NPIPB5: variants seen among roughly 807,000 people sequenced by gnomAD.
NPIPB5 encodes nuclear pore complex interacting protein family member B5.
For missense variants in NPIPB5, 10 were observed against 414.7 expected (o/e 0.02, Z 8.48); for synonymous variants, 1 against 168.2 (o/e 0.01, Z 7.69).
chr16:22,517,632 C>T (rs1227222815), intron 1 of NPIPB5, among the ~76,000 whole-genome samples: 1 of 9,976 alleles, frequency 1.0e-4, no homozygotes, highest in African/African-American at 3.6e-4. Flanking sequence ...CCTCCGCCTC[C>T]CGGGTCCAAG....
intron 4 of NPIPB5, among the ~76,000 whole-genome samples, chr16:22,529,864 C>A (rs2049869961): frequency 1.4e-5 from 1 of 71,528 alleles, no homozygotes; most frequent in Non-Finnish European, 2.5e-5. Flanking sequence ...GTGATGTCCT[C>A]ACTGGCTTCT....
intron 4 of NPIPB5, among the ~76,000 whole-genome samples, chr16:22,528,692 A>ATTTTTTTTTTTTTTTTTTTTT (rs1175345253): frequency 2.0e-5 from 1 of 49,192 alleles, no homozygotes; most frequent in Non-Finnish European, 3.2e-5. Flanking sequence ...CATTTGACCA[A>ATTTTTTTTTTTTTTTTTTTTT]TTTTTTTTTT....
At chr16:22,528,721 T>TTTTTTG (rs1179934916) in intron 4 of NPIPB5, among the ~76,000 whole-genome samples, 1 of 108,680 alleles carries the variant, frequency 9.2e-6, no homozygotes, top group African/African-American at 3.3e-5. Context: ...TTTTTTTTTT[T>TTTTTTG]GAGACAGAGT....
chr16:22,529,359 A>AGTC lies in NPIPB5; in HGVS notation c.545+1391_545+1393dup, dbSNP rs1183026508. Among the ~76,000 whole-genome samples the AGTC allele has an allele frequency of 7.3e-5, 11 of 150,666 alleles. No individual in the cohort carries two copies. The East Asian group carries it at 1.6e-3, about 22-fold the overall frequency. ...GGTCCTCCATACAGGCTGCAATTGAAGTCGTCGGTGCAGGCTCAGTCCCTA... is the reference window on the plus strand; with the variant it reads ...GGTCCTCCATACAGGCTGCAATTGAAGTCGTCGTCGGTGCAGGCTCAGTCCCTA... On this transcript the variant is annotated intron_variant, in intron 4 of 6. Coordinates refer to ENST00000424340, the Ensembl canonical transcript of NPIPB5.
exon 7 of NPIPB5, chr16:22,534,586 G>C (rs536461654): frequency 1.2e-6 from 2 of 1,605,174 alleles, no homozygotes; most frequent in Non-Finnish European, 1.7e-6. Flanking sequence ...GACACCTGCC[G>C]AGCGTCTGCG....
intron 4 of NPIPB5, among the ~76,000 whole-genome samples, chr16:22,528,721 T>TTTTTTTTTG (rs1179934916): frequency 3.7e-5 from 4 of 108,670 alleles, no homozygotes; most frequent in Admixed American, 2.5e-4. Flanking sequence ...TTTTTTTTTT[T>TTTTTTTTTG]GAGACAGAGT....
intron 4 of NPIPB5, among the ~76,000 whole-genome samples, chr16:22,528,670 T>A (rs1225798940): frequency 3.2e-5 from 4 of 125,846 alleles, no homozygotes; most frequent in East Asian, 2.5e-4. Context: ...GGATTACAGG[T>A]GTGTGCCACC....
Position 22,514,899 on chromosome 16 carries a change from CAT to C in NPIPB5, c.120+981_120+982del, listed in dbSNP as rs1391075470. ...ACACACACACACACACACACACACA[CAT>C]ATTTTTTGAGACAGAGTTTCACTCT... On this transcript the variant is annotated intron_variant, in intron 1 of 6. Coordinates refer to ENST00000424340, the Ensembl canonical transcript of NPIPB5. 9.8e-4 allele frequency among the ~76,000 whole-genome samples: 36 copies of C among 36,688 alleles called. 2 individuals carry two copies. Among genetic ancestry groups the C allele is most frequent in the Non-Finnish European group, 1.4e-3 (32 of 23,348 alleles). 24.1% of individuals were successfully genotyped at this position (36,688 alleles called of 152,430 possible).
intron 1 of NPIPB5, among the ~76,000 whole-genome samples, chr16:22,517,966 A>G (rs1289837630): frequency 1.2e-4 from 16 of 132,804 alleles, no homozygotes; most frequent in Non-Finnish European, 2.1e-4. Context: ...CCTAGGCTGG[A>G]GTGCAGTGGT....
intron 4 of NPIPB5, among the ~76,000 whole-genome samples, chr16:22,528,692 A>ATTTTTTTTTTTTTT (rs1175345253): frequency 5.9e-4 from 29 of 49,202 alleles, no homozygotes; most frequent in South Asian, 1.0e-3. Context: ...CATTTGACCA[A>ATTTTTTTTTTTTTT]TTTTTTTTTT....
upstream of NPIPB5, among the ~76,000 whole-genome samples, chr16:22,510,548 G>A (rs371200961): frequency 1.2e-3 from 27 of 21,926 alleles, 2 homozygotes; most frequent in East Asian, 0.034. Context: ...GCGTGAACCC[G>A]GGAGGCAGAG....
chr16:22,518,087 T>C (rs1316235492), intron 1 of NPIPB5, among the ~76,000 whole-genome samples: 6 of 46,346 alleles, frequency 1.3e-4, no homozygotes, highest in South Asian at 1.2e-3. Context: ...GGCTAATTTT[T>C]GTATTTTATT....
exon 7 of NPIPB5, chr16:22,535,346 C>T (rs1246973192): frequency 1.5e-3 from 2 of 1,350 alleles, no homozygotes; most frequent in South Asian, 0.042. Flanking sequence ...CGCTTCCACC[C>T]TCAGCAGATG....
intron 1 of NPIPB5, among the ~76,000 whole-genome samples, chr16:22,517,896 G>T (rs1225344870): frequency 7.2e-6 from 1 of 139,400 alleles, no homozygotes; most frequent in African/African-American, 2.6e-5. Context: ...CCATACTTTT[G>T]TTAACCCTGT....
At position 22,517,872 on chromosome 16, in the gene NPIPB5, A is replaced by G. The variant is rs1230548005; in HGVS notation, c.120+3951A>G. On this transcript the variant is annotated intron_variant, in intron 1 of 6. Coordinates refer to ENST00000424340, the Ensembl canonical transcript of NPIPB5. The stretch of plus-strand genomic sequence containing the variant: ...GGCAGGAACATGGCTGCAGCATATA[A>G]AAAGAATTGAATTCCATACTTTTGT... 7.5e-5 allele frequency among the ~76,000 whole-genome samples: 10 copies of G among 133,950 alleles called. 1 individual carries two copies. In the East Asian group the frequency reaches 2.6e-3, roughly 35 times the overall value. 87.9% of individuals were successfully genotyped at this position (133,950 alleles called of 152,430 possible). A position where few individuals can be genotyped will look rare whatever the true frequency, so the allele number is the denominator to read the frequency against.
exon 7 of NPIPB5, chr16:22,534,484 G>A (rs1596504771): frequency 7.1e-7 from 1 of 1,410,826 alleles, no homozygotes; most frequent in African/African-American, 1.7e-5. Flanking sequence ...GCGTCTGCGG[G>A]GGCCGCTTCC....
chr16:22,510,873 C>CTT (rs1242316936), upstream of NPIPB5, among the ~76,000 whole-genome samples: 1 of 43,614 alleles, frequency 2.3e-5, no homozygotes, highest in Non-Finnish European at 3.4e-5. Context: ...GAAATAATAA[C>CTT]TTTTTTTTTT....
At chr16:22,535,334 G>T (rs1285751597) in exon 7 of NPIPB5, 5 of 3,652 alleles carry the variant, frequency 1.4e-3, no homozygotes, top group South Asian at 3.1e-3. Context: ...GTCTGCGGGG[G>T]CCGCTTCCAC....
chr16:22,518,061 G>A (rs1183642479), intron 1 of NPIPB5, among the ~76,000 whole-genome samples: 3 of 45,446 alleles, frequency 6.6e-5, no homozygotes, highest in South Asian at 1.3e-3. Flanking sequence ...GACTACAGGC[G>A]CCCACCACCA....
Sources: gnomAD v4.1 joint callset for allele counts (sites outside exome capture counted in the v4.1 genomes callset) on GRCh38, gnomAD v4.1.1 for gene constraint, MANE v1.5 for transcripts, NCBI Gene and HGNC (gene_info 2026-07-23, HGNC 2026-07-21) for gene names.